Variants in CD226 observed in about 807,000 individuals in gnomAD.
CD226 encodes CD226 molecule.
In CD226, 24 loss-of-function variants were observed where a neutral mutation model predicts 34.9. The observed-to-expected ratio is 0.69, with a 90% CI of 0.50 to 0.97. CD226 has a LOEUF of 0.97. CD226 is among the 50% of genes least tolerant of loss of function. CD226 has a pLI of 0.00. For missense variants in CD226, 397 were observed against 412.7 expected (o/e 0.96, Z 0.33); for synonymous variants, 148 against 147.4 (o/e 1.00, Z -0.03).
chr18:69,912,670 G>C (rs1467204021), intron 2 of CD226, among the ~76,000 whole-genome samples: 2 of 152,146 alleles, frequency 1.3e-5, no homozygotes, highest in African/African-American at 4.8e-5. Context: ...CTTTAGGTCT[G>C]ATTAATAATA....
At chr18:69,908,775 C>T (rs1470866726) in intron 2 of CD226, among the ~76,000 whole-genome samples, 2 of 152,160 alleles carry the variant, frequency 1.3e-5, no homozygotes, top group African/African-American at 4.8e-5. Context: ...TTATTCTTGC[C>T]TTTGTCTCCA....
At chr18:69,904,421 C>T (rs547308722) in intron 2 of CD226, among the ~76,000 whole-genome samples, 62 of 152,346 alleles carry the variant, frequency 4.1e-4, no homozygotes, top group Admixed American at 9.8e-4. Flanking sequence ...CTGAGACCAC[C>T]GGCCTCCCCA....
At chr18:69,865,613 T>C (rs1289501357) in intron 5 of CD226, among the ~76,000 whole-genome samples, 1 of 152,190 alleles carries the variant, frequency 6.6e-6, no homozygotes, top group Non-Finnish European at 1.5e-5. Flanking sequence ...ATTTATTTCT[T>C]GCTGAAGTGG....
Position 69,868,384 on chromosome 18 carries a change from G to T in CD226, c.831-973C>A, listed in dbSNP as rs556422642. On this transcript the variant is annotated intron_variant, in intron 4 of 5. Coordinates refer to ENST00000582621, the MANE Select transcript of CD226 (RefSeq NM_001303618.2). ...TTGTGAATATCTTGAAAATAAGATG[G>T]TCTTTCTCCAGGGAAAGGTTATGCA... is the stretch of plus-strand genomic sequence containing the variant. Among the ~76,000 whole-genome samples the T allele has an allele frequency of 2.6e-5, 4 of 152,222 alleles. No individual in the cohort carries two copies. The South Asian group carries it at 6.2e-4, about 24-fold the overall frequency.
chr18:69,954,932 G>A (rs1028709243), intron 1 of CD226, among the ~76,000 whole-genome samples: 1 of 151,866 alleles, frequency 6.6e-6, no homozygotes, highest in African/African-American at 2.4e-5. Flanking sequence ...CATGATTTAT[G>A]AAGGGATTTT....
At chr18:69,938,820 T>TATA in intron 2 of CD226, among the ~76,000 whole-genome samples, 1 of 152,340 alleles carries the variant, frequency 6.6e-6, no homozygotes, top group East Asian at 1.9e-4. Context: ...CAAGGTGGCC[T>TATA]ATGCCTGTAA....
chr18:69,935,092 T>A (rs2055636075), intron 2 of CD226, among the ~76,000 whole-genome samples: 1 of 152,222 alleles, frequency 6.6e-6, no homozygotes, highest in African/African-American at 2.4e-5. Context: ...AACTCAAAGA[T>A]AAAGCCACAG....
chr18:69,863,323 T>C lies in CD226; in HGVS notation c.*991A>G, dbSNP rs1485701541. 6 of 152,176 alleles carry C rather than the reference T, an allele frequency of 3.9e-5. No individual in the cohort carries two copies. Among genetic ancestry groups the C allele is most frequent in the Admixed American group, 2.0e-4 (3 of 15,274 alleles). 9.4% of individuals were successfully genotyped at this position (152,176 alleles called of 1,614,324 possible). On this transcript the variant is annotated 3_prime_UTR_variant, in exon 6 of 6. Transcript: ENST00000582621. ...TTTGAGAGAATTTACATATTAAAAA[T>C]AATTCTCAAAAGTAGACAAAATATG...
At chr18:69,930,770 G>T (rs911742583) in intron 2 of CD226, among the ~76,000 whole-genome samples, 1 of 152,160 alleles carries the variant, frequency 6.6e-6, no homozygotes, top group African/African-American at 2.4e-5. Flanking sequence ...GTCCTCATGT[G>T]GATTTATAGC....
chr18:69,915,693 C>T (rs1172575638), intron 2 of CD226, among the ~76,000 whole-genome samples: 1 of 152,148 alleles, frequency 6.6e-6, no homozygotes, highest in African/African-American at 2.4e-5. Context: ...TTCCATTTCC[C>T]CTGCATAGTA....
rs1035047985 is a variant in CD226 at position 69,860,634 on chromosome 18, T to C, written c.*3680A>G. On this transcript the variant is annotated 3_prime_UTR_variant, in exon 6 of 6. Transcript: ENST00000582621. ...AACTTGTTTTTAGTTTTCAGATACA[T>C]GTTTTAAGAGCCCAGAGTCTTGGCT... The C allele has an allele frequency of 6.6e-6, 1 of 152,172 alleles. No homozygotes were observed. The highest frequency in any genetic ancestry group is 2.4e-5 in the African/African-American group (1 of 41,454). The allele number at this position is 152,172 out of a possible 1,614,324, so 9.4% of individuals were successfully genotyped here. A position where few individuals can be genotyped will look rare whatever the true frequency, so the allele number is the denominator to read the frequency against.
intron 2 of CD226, among the ~76,000 whole-genome samples, chr18:69,928,230 T>C (rs547115425): frequency 1.1e-4 from 17 of 152,352 alleles, no homozygotes; most frequent in South Asian, 6.2e-4. Flanking sequence ...ATGGAATTCA[T>C]ACGTTTCCTA....
upstream of CD226, among the ~76,000 whole-genome samples, chr18:69,960,441 T>C (rs1217118969): frequency 6.6e-6 from 1 of 152,076 alleles, no homozygotes; most frequent in Non-Finnish European, 1.5e-5. Flanking sequence ...GCCAAAAAGA[T>C]ACTTGACAAT....
At position 69,896,031 on chromosome 18, in the gene CD226, C is replaced by G; in HGVS notation, c.397G>C (p.Ala133Pro). Residue 133 changes from alanine (A) to proline (P), a missense_variant, in exon 3 of 6, where the codon GCT becomes CCT. Physicochemically the swap from Ala to Pro is conservative, Grantham distance 27. Transcript: ENST00000582621. ...QVVQSDSFEA[A>P]VPSNSHIVSE... ...ACAATGTGGCTATTTGATGGCACAG[C>G]TGCCTCAAAACTATCTGAAAAGAAG... is the stretch of plus-strand genomic sequence containing the variant. 6.2e-7 allele frequency: 1 copy of G among 1,608,328 alleles called. No homozygotes were observed. Among genetic ancestry groups the G allele is most frequent in the East Asian group, 2.2e-5 (1 of 44,830 alleles).
At chr18:69,956,369 G>A (rs1233535453) in intron 1 of CD226, among the ~76,000 whole-genome samples, 1 of 152,168 alleles carries the variant, frequency 6.6e-6, no homozygotes, top group Non-Finnish European at 1.5e-5. Context: ...TTTGGATCAT[G>A]GACATTTATT....
chr18:69,911,237 A>G (rs564882408), intron 2 of CD226, among the ~76,000 whole-genome samples: 2 of 140,208 alleles, frequency 1.4e-5, no homozygotes, highest in African/African-American at 6.6e-5. Context: ...CTTCAGTGGA[A>G]CAGGTTTGGG....
intron 2 of CD226, among the ~76,000 whole-genome samples, chr18:69,939,842 G>T (rs909631993): frequency 6.6e-6 from 1 of 152,180 alleles, no homozygotes; most frequent in African/African-American, 2.4e-5. Flanking sequence ...TTCTGCAGCA[G>T]ATGACCTGGG....
chr18:69,884,057 T>C (rs1220954670), intron 3 of CD226, among the ~76,000 whole-genome samples: 2 of 152,198 alleles, frequency 1.3e-5, no homozygotes, highest in Non-Finnish European at 2.9e-5. Flanking sequence ...TTAGACAGAA[T>C]AAGCCACCCC....
At chr18:69,954,513 G>A (rs2055880473) in intron 1 of CD226, among the ~76,000 whole-genome samples, 1 of 152,052 alleles carries the variant, frequency 6.6e-6, no homozygotes, top group Non-Finnish European at 1.5e-5. Flanking sequence ...GCAACACCGT[G>A]CTGCCTCAAA....
Sources: gnomAD v4.1 joint callset for allele counts (sites outside exome capture counted in the v4.1 genomes callset) on GRCh38, gnomAD v4.1.1 for gene constraint, MANE v1.5 for transcripts, NCBI Gene and HGNC (gene_info 2026-07-23, HGNC 2026-07-21) for gene names.